Variants in PDXDC1 observed in about 807,000 individuals in gnomAD.
The protein encoded by PDXDC1 is pyridoxal-dependent decarboxylase domain-containing protein 1.
Under a neutral mutation model 100.1 loss-of-function variants are expected in PDXDC1, and 42 were observed. The observed-to-expected ratio is 0.42, with a 90% confidence interval of 0.33 to 0.54. PDXDC1 has a LOEUF of 0.54. Among genes scored for constraint, PDXDC1 ranks in the 20% least tolerant of loss-of-function variants. PDXDC1 has a pLI of 0.10. For synonymous variants in PDXDC1, 260 were observed against 371.7 expected, an observed-to-expected ratio of 0.70 and a Z score of 3.46; for missense variants, 636 against 979.2, an observed-to-expected ratio of 0.65 and a Z score of 4.68.
intron 1 of PDXDC1, among the ~76,000 whole-genome samples, chr16:14,997,543 A>C (rs1416800890): frequency 6.6e-6 from 1 of 152,286 alleles, no homozygotes; most frequent in Non-Finnish European, 1.5e-5. Context: ...CAACTCAAAA[A>C]ATAAAAATAA....
the PDXDC1 span, among the ~76,000 whole-genome samples, chr16:15,144,547 G>C: frequency 6.6e-6 from 1 of 152,210 alleles, no homozygotes; most frequent in Non-Finnish European, 1.5e-5. Context: ...AGGCAACAGA[G>C]CCCTGCACGA....
chr16:15,013,203 G>T (rs1180478697), intron 8 of PDXDC1, among the ~76,000 whole-genome samples: 3 of 152,224 alleles, frequency 2.0e-5, no homozygotes, highest in African/African-American at 4.8e-5. Context: ...AATAAAACTT[G>T]CCAGGTGTGG....
intron 1 of PDXDC1, among the ~76,000 whole-genome samples, chr16:14,992,368 G>A (rs1305042706): frequency 1.1e-4 from 17 of 152,400 alleles, no homozygotes; most frequent in Non-Finnish European, 2.2e-4. Flanking sequence ...CACTATGGTC[G>A]TTGGGAGCAT....
At chr16:14,987,932 A>T (rs1282371087) in intron 1 of PDXDC1, among the ~76,000 whole-genome samples, 2 of 151,360 alleles carry the variant, frequency 1.3e-5, no homozygotes, top group African/African-American at 4.9e-5. Flanking sequence ...TTCTGCCAAC[A>T]TTATCAAACA....
chr16:14,974,906 T>C (rs1275975979), upstream of PDXDC1: 2 of 1,535,550 alleles, frequency 1.3e-6, no homozygotes, highest in East Asian at 4.9e-5. Context: ...AAGAGTTTGG[T>C]GAACAATCCA....
chr16:15,085,248 T>A (rs1438043291), intron 16 of PDXDC1, among the ~76,000 whole-genome samples: 1 of 152,148 alleles, frequency 6.6e-6, no homozygotes, highest in Non-Finnish European at 1.5e-5. Flanking sequence ...ATGGTAAATA[T>A]AACAAAAAGA....
chr16:14,984,402 G>GT (rs144252060), intron 1 of PDXDC1, among the ~76,000 whole-genome samples: 20 of 114,848 alleles, frequency 1.7e-4, no homozygotes, highest in African/African-American at 6.7e-4. Context: ...GTTTGTGTGG[G>GT]TTTTTTTTTT....
chr16:15,106,611 C>T lies in PDXDC1; in HGVS notation c.1400-32268C>T, dbSNP rs541424193. Among the ~76,000 whole-genome samples, 10 of 149,344 alleles carry T rather than the reference C, an allele frequency of 6.7e-5. No homozygotes were observed. In the East Asian group the frequency reaches 1.2e-3, roughly 17 times the overall value. Reference sequence around the variant, plus strand: ...TCTACTAAAAATACAAAAAATTAGGCGGGCGTGGTGGCAGGCACCTGTAAG... The same window carrying T: ...TCTACTAAAAATACAAAAAATTAGGTGGGCGTGGTGGCAGGCACCTGTAAG... On this transcript the variant is annotated intron_variant, in intron 16 of 16. Coordinates refer to the PDXDC1 transcript ENST00000535621.
At chr16:15,040,073 G>A (rs2043742220), downstream of PDXDC1, 1 of 1,516,452 alleles carries the variant, frequency 6.6e-7, no homozygotes, top group Non-Finnish European at 9.1e-7. Flanking sequence ...ACAGCTGTGA[G>A]GGACAACAGG....
At chr16:15,112,188 G>A (rs1252359495) in intron 16 of PDXDC1, among the ~76,000 whole-genome samples, 2 of 148,590 alleles carry the variant, frequency 1.3e-5, no homozygotes, top group African/African-American at 4.9e-5. Context: ...TCTCAGATGT[G>A]GGTCAGATAC....
intron 12 of PDXDC1, among the ~76,000 whole-genome samples, chr16:15,020,478 CAGG>C (rs1336445260): frequency 6.6e-6 from 1 of 151,384 alleles, no homozygotes; most frequent in African/African-American, 2.4e-5. Flanking sequence ...ATCATGAGGT[CAGG>C]AGATCAAGAC....
chr16:15,049,169 C>T (rs768043392), intron 16 of PDXDC1, among the ~76,000 whole-genome samples: 8 of 151,388 alleles, frequency 5.3e-5, no homozygotes, highest in Non-Finnish European at 1.0e-4. Context: ...GCTGGGAGTA[C>T]AGGCACACAC....
chr16:15,084,529 A>T, intron 16 of PDXDC1: 1 of 711,258 alleles, frequency 1.4e-6, no homozygotes, highest in Non-Finnish European at 2.3e-6. Context: ...GATACAAAAA[A>T]AACATGCAAT....
intron 1 of PDXDC1, among the ~76,000 whole-genome samples, chr16:14,980,035 A>G (rs1400424049): frequency 6.6e-6 from 1 of 152,298 alleles, no homozygotes; most frequent in Non-Finnish European, 1.5e-5. Context: ...CATGGTGGCT[A>G]TGGCTGTAAA....
chr16:15,086,592 G>C (rs1348480912), intron 16 of PDXDC1: 9 of 1,285,068 alleles, frequency 7.0e-6, no homozygotes, highest in Middle Eastern at 2.8e-4. Context: ...TCAAAACTGG[G>C]TATTAAAACA....
chr16:15,037,161 G>A lies in PDXDC1; in HGVS notation c.*886G>A, dbSNP rs781471509. ...GAAGCTTCTACTGCCCTGGCAGCTC[G>A]CCTGGGCCCAACTCAGAAACAGGAG... On this transcript the variant is annotated 3_prime_UTR_variant, in exon 23 of 23. Coordinates refer to ENST00000396410, the MANE Select transcript of PDXDC1 (RefSeq NM_015027.4). 2.6e-5 allele frequency: 4 copies of A among 152,194 alleles called. No homozygotes were observed. Among genetic ancestry groups the A allele is most frequent in the Non-Finnish European group, 5.9e-5 (4 of 68,070 alleles). 9.4% of individuals were successfully genotyped at this position (152,194 alleles called of 1,614,324 possible).
Position 15,037,936 on chromosome 16 carries a change from G to A in PDXDC1, c.*1661G>A. The A allele has an allele frequency of 1.2e-6, 1 of 828,894 alleles. No individual in the cohort carries two copies. Among genetic ancestry groups the A allele is most frequent in the South Asian group, 1.7e-5 (1 of 57,472 alleles). 51.3% of individuals were successfully genotyped at this position (828,894 alleles called of 1,614,324 possible). The stretch of plus-strand genomic sequence containing the variant: ...ACACTGAGGAGGGAAGGAGGCCTAA[G>A]ACCCAACAGATGTAGGATCCAGATC... On this transcript the variant is annotated 3_prime_UTR_variant, in exon 23 of 23. Coordinates refer to ENST00000396410, the MANE Select transcript of PDXDC1 (RefSeq NM_015027.4).
chr16:15,106,427 T>A, intron 16 of PDXDC1: 1 of 607,792 alleles, frequency 1.6e-6, no homozygotes, highest in Non-Finnish European at 2.9e-6. Context: ...ACACAATCTA[T>A]CTCTACCTAG....
intron 16 of PDXDC1, chr16:15,134,001 C>T: frequency 7.1e-7 from 1 of 1,409,660 alleles, no homozygotes; most frequent in Non-Finnish European, 9.8e-7. Flanking sequence ...CAGTCACATG[C>T]CTGCGCTGCC....
Sources: allele counts gnomAD v4.1 joint callset (sites outside exome capture counted in the v4.1 genomes callset), GRCh38; gene constraint gnomAD v4.1.1; transcripts MANE v1.5; gene names NCBI Gene and HGNC (gene_info 2026-07-23, HGNC 2026-07-21).